The following GLIS1 variants were observed in gnomAD, a reference collection of about 807,000 sequenced individuals.
The protein encoded by GLIS1 is GLIS family zinc finger 1.
A neutral mutation model predicts 63.8 loss-of-function variants in GLIS1; 24 were observed. The observed-to-expected ratio is 0.38, with a 90% CI of 0.27 to 0.53. The LOEUF (loss-of-function observed/expected upper bound fraction) is 0.53, where lower values mean the gene tolerates loss of function less well. Ranked by LOEUF, GLIS1 falls within the 20% of genes least tolerant of loss-of-function variation. The pLI is 0.85. For missense variants in GLIS1, 1,036 were observed against 1,074.1 expected, an observed-to-expected ratio of 0.96 and a Z score of 0.50; for synonymous variants, 450 against 482.5, an observed-to-expected ratio of 0.93 and a Z score of 0.88.
At chr1:53,620,383 G>A (rs2100594392) in intron 2 of GLIS1, among the ~76,000 whole-genome samples, 1 of 152,280 alleles carries the variant, frequency 6.6e-6, no homozygotes, top group South Asian at 2.1e-4. Flanking sequence ...TGGGCGGGGG[G>A]GCCACCTGGG....
intron 2 of GLIS1, among the ~76,000 whole-genome samples, chr1:53,735,641 T>C (rs1349796613): frequency 6.6e-6 from 1 of 152,166 alleles, no homozygotes; most frequent in African/African-American, 2.4e-5. Context: ...GATGGTGGGG[T>C]CTCACAATTC....
intron 4 of GLIS1, among the ~76,000 whole-genome samples, chr1:53,549,235 T>C (rs537668593): frequency 3.3e-5 from 5 of 152,258 alleles, no homozygotes; most frequent in Non-Finnish European, 5.9e-5. Context: ...ATGAATGCTG[T>C]TGTGAACATT....
intron 5 of GLIS1, among the ~76,000 whole-genome samples, chr1:53,525,972 G>C (rs559644922): frequency 1.3e-5 from 2 of 152,254 alleles, no homozygotes; most frequent in East Asian, 1.9e-4. Flanking sequence ...CAGGGGACTC[G>C]TGGCTCTAAT....
intron 2 of GLIS1, among the ~76,000 whole-genome samples, chr1:53,718,201 C>A (rs143504991): frequency 6.6e-6 from 1 of 152,234 alleles, no homozygotes; most frequent in African/African-American, 2.4e-5. Context: ...AAAATCTCTT[C>A]TCTGCCTAAA....
chr1:53,605,346 A>G (rs1309550352), intron 2 of GLIS1, among the ~76,000 whole-genome samples: 2 of 151,928 alleles, frequency 1.3e-5, no homozygotes, highest in African/African-American at 4.8e-5. Flanking sequence ...GGGTGGCCTG[A>G]CCCTTCCAAA....
Position 53,707,615 on chromosome 1 carries a change from A to G in GLIS1, c.259+30191T>C, listed in dbSNP as rs148882441. On this transcript the variant is annotated intron_variant, in intron 2 of 10. Coordinates refer to ENST00000628545, the MANE Select transcript of GLIS1 (RefSeq NM_001367484.1). Reference sequence around the variant, plus strand: ...CAGTAAGCTGACATTGCACCACTGCACTGCAGCCTGGGTGACAAAGTGAGA... The same window carrying G: ...CAGTAAGCTGACATTGCACCACTGCGCTGCAGCCTGGGTGACAAAGTGAGA... Among the ~76,000 whole-genome samples, 64 of 152,186 alleles carry G rather than the reference A, an allele frequency of 4.2e-4. No homozygotes were observed. The East Asian group carries it at 0.012, about 29-fold the overall frequency.
intron 4 of GLIS1, among the ~76,000 whole-genome samples, chr1:53,543,714 G>A (rs1335371775): frequency 5.3e-5 from 8 of 151,796 alleles, no homozygotes; most frequent in East Asian, 1.9e-4. Flanking sequence ...CCAGCTGTTC[G>A]GCTCAGAACA....
chr1:53,733,715 T>C (rs1195707482), intron 2 of GLIS1, among the ~76,000 whole-genome samples: 3 of 152,244 alleles, frequency 2.0e-5, no homozygotes, highest in African/African-American at 7.2e-5. Flanking sequence ...CATACTTGTT[T>C]CTCTTTGTCT....
rs1039804031 is a variant in GLIS1, at chr1:53,619,584, C to T, written c.260-19306G>A. Among the ~76,000 whole-genome samples the T allele has an allele frequency of 5.9e-5, 9 of 152,328 alleles. No homozygotes were observed. In the South Asian group the frequency reaches 8.3e-4, roughly 14 times the overall value. ...GGCCAGGATGTTGAAATGACTTCTC[C>T]GGAATAACACATCTAGAAGGAGACA... On this transcript the variant is annotated intron_variant, in intron 2 of 10. Transcript: ENST00000628545.
chr1:53,565,403 A>G (rs1004252858), intron 4 of GLIS1, among the ~76,000 whole-genome samples: 3 of 152,240 alleles, frequency 2.0e-5, no homozygotes, highest in South Asian at 2.1e-4. Context: ...AATTAATGTC[A>G]TAGAAACGAA....
intron 2 of GLIS1, among the ~76,000 whole-genome samples, chr1:53,610,713 C>T (rs61449108): frequency 0.057 from 8,732 of 152,220 alleles, 731 homozygotes; most frequent in African/African-American, 0.18. Flanking sequence ...GTCACAACGT[C>T]TTCTGTCAGT....
chr1:53,559,258 A>G (rs1644861678), intron 4 of GLIS1, among the ~76,000 whole-genome samples: 1 of 152,088 alleles, frequency 6.6e-6, no homozygotes, highest in African/African-American at 2.4e-5. Context: ...CCTTCCTCAG[A>G]CCCTGACCTG....
At chr1:53,597,664 G>A (rs758098108) in intron 3 of GLIS1, among the ~76,000 whole-genome samples, 5 of 152,112 alleles carry the variant, frequency 3.3e-5, no homozygotes, top group South Asian at 2.1e-4. Flanking sequence ...GCCGTCGGGC[G>A]GTTGGGGGAA....
chr1:53,672,591 C>G (rs1262796220), intron 2 of GLIS1, among the ~76,000 whole-genome samples: 1 of 152,220 alleles, frequency 6.6e-6, no homozygotes, highest in Non-Finnish European at 1.5e-5. Flanking sequence ...GGAGCAGTCT[C>G]TAACCGCACA....
In GLIS1 at chr1:53,520,699, G is replaced by T. The variant is rs760106371; in HGVS notation, c.1661C>A (p.Thr554Lys). The T allele has an allele frequency of 5.0e-6, 8 of 1,607,582 alleles. No individual in the cohort carries two copies. The highest frequency in any genetic ancestry group is 6.8e-6 in the Non-Finnish European group (8 of 1,177,776). Residue 554 changes from threonine to lysine, a missense_variant, in exon 7 of 11, where the codon ACG (threonine) becomes AAG (lysine). Coordinates refer to ENST00000628545, the MANE Select transcript of GLIS1 (RefSeq NM_001367484.1). ...GTCGCTGGCAGCCAGCTGTGTGGAC[G>T]TGTGGAGCTGCTGCAGGACCAGACA... Reference protein sequence around the residue: ...TECLVLQQLHTSTQLAASDGK... With the variant: ...TECLVLQQLHKSTQLAASDGK...
chr1:53,537,419 T>G (rs1011449472), intron 4 of GLIS1, among the ~76,000 whole-genome samples: 6 of 152,234 alleles, frequency 3.9e-5, no homozygotes, highest in African/African-American at 1.4e-4. Flanking sequence ...AGGGCCCTGT[T>G]TCACATGTGA....
intron 4 of GLIS1, among the ~76,000 whole-genome samples, chr1:53,534,592 G>T (rs1316259942): frequency 6.6e-6 from 1 of 152,070 alleles, no homozygotes; most frequent in African/African-American, 2.4e-5. Context: ...TGAGAAAGAA[G>T]TGCCTGCAAC....
intron 2 of GLIS1, among the ~76,000 whole-genome samples, chr1:53,692,853 C>T (rs959134053): frequency 2.0e-5 from 3 of 152,356 alleles, no homozygotes; most frequent in Admixed American, 6.5e-5. Context: ...TGGTAGGCAC[C>T]GCCACCCTAA....
intron 2 of GLIS1, among the ~76,000 whole-genome samples, chr1:53,655,899 T>C (rs1292000384): frequency 6.6e-6 from 1 of 152,182 alleles, no homozygotes; most frequent in Non-Finnish European, 1.5e-5. Context: ...GGGATCAATA[T>C]TCCATTTTAC....
Sources: gnomAD v4.1 joint callset for allele counts (sites outside exome capture counted in the v4.1 genomes callset) on GRCh38, gnomAD v4.1.1 for gene constraint, MANE v1.5 for transcripts, NCBI Gene and HGNC (gene_info 2026-07-23, HGNC 2026-07-21) for gene names.